The following TPST2 variants were observed in gnomAD, a reference collection of about 807,000 sequenced individuals.
TPST2 encodes protein-tyrosine sulfotransferase 2.
TPST2 carries 16 observed loss-of-function variants against 27.8 expected under a neutral mutation model. The observed-to-expected ratio is 0.58, with a 90% CI of 0.39 to 0.88. TPST2 has a LOEUF of 0.88. Ranked by LOEUF, TPST2 falls within the 40% of genes least tolerant of loss-of-function variation. The pLI is 0.00. For missense variants in TPST2, 464 were observed against 543.1 expected (o/e 0.85, Z 1.45); for synonymous variants, 229 against 231.7 (o/e 0.99, Z 0.10).
intron 1 of TPST2, among the ~76,000 whole-genome samples, chr22:26,553,027 T>C (rs1158730847): frequency 8.2e-6 from 1 of 122,636 alleles, no homozygotes; most frequent in East Asian, 2.6e-4. Context: ...GCCATTGTAC[T>C]CCAGCCTGGG....
chr22:26,527,616 T>C (rs1924912716), intron 6 of TPST2, among the ~76,000 whole-genome samples: 2 of 152,222 alleles, frequency 1.3e-5, no homozygotes, highest in Admixed American at 1.3e-4. Context: ...CTGGGAGGAA[T>C]TCTGTCCCTT....
intron 4 of TPST2, among the ~76,000 whole-genome samples, chr22:26,534,908 T>A (rs1396341849): frequency 6.6e-6 from 1 of 152,190 alleles, no homozygotes; most frequent in Non-Finnish European, 1.5e-5. Flanking sequence ...ACATCTGGGT[T>A]GCAGCCATTC....
chr22:26,587,435 G>A (rs1418489575), intron 1 of TPST2, among the ~76,000 whole-genome samples: 1 of 152,128 alleles, frequency 6.6e-6, no homozygotes, highest in African/African-American at 2.4e-5. Flanking sequence ...CTGCCTCCTG[G>A]GTTCAAGCGA....
chr22:26,524,509 CACACACAT>C lies in TPST2; in HGVS notation c.*1758_*1765del, dbSNP rs71192937. Reference sequence around the variant, plus strand: ...GTGACAGAGCGAGATTCTGTCTAAACACACACATACACACATACACACCATGAAGTTTT... The same window carrying C: ...GTGACAGAGCGAGATTCTGTCTAAACACACACATACACACCATGAAGTTTT... On this transcript the variant is annotated 3_prime_UTR_variant, in exon 7 of 7. Coordinates refer to ENST00000338754, the MANE Select transcript of TPST2 (RefSeq NM_003595.5). The C allele has an allele frequency of 0.29, 44,107 of 151,542 alleles. 7,262 individuals carry two copies. The highest frequency in any genetic ancestry group is 0.45 in the African/African-American group (18,398 of 41,142). 9.4% of individuals were successfully genotyped at this position (151,542 alleles called of 1,614,324 possible).
intron 1 of TPST2, among the ~76,000 whole-genome samples, chr22:26,548,854 G>A (rs1926283587): frequency 6.6e-6 from 1 of 151,860 alleles, no homozygotes; most frequent in African/African-American, 2.4e-5. Flanking sequence ...TGTAGTCCCA[G>A]CTAATTGGGA....
chr22:26,571,654 A>G (rs565015641), intron 1 of TPST2, among the ~76,000 whole-genome samples: 17 of 152,232 alleles, frequency 1.1e-4, no homozygotes, highest in African/African-American at 3.9e-4. Flanking sequence ...GAAATGGCCA[A>G]TTCTCCACTA....
chr22:26,544,706 G>C, intron 1 of TPST2, 31 bp from the exon 2 acceptor site: 2 of 983,986 alleles, frequency 2.0e-6, no homozygotes, highest in South Asian at 4.7e-5. Context: ...TTGCATCAGG[G>C]ATGGGCACTG....
At chr22:26,575,485 G>A (rs542468559) in intron 1 of TPST2, among the ~76,000 whole-genome samples, 24 of 152,228 alleles carry the variant, frequency 1.6e-4, no homozygotes, top group Admixed American at 7.8e-4. Flanking sequence ...TGCATCCTCC[G>A]GAGACAGCGA....
chr22:26,564,392 C>T (rs951132323), intron 1 of TPST2, among the ~76,000 whole-genome samples: 3 of 152,232 alleles, frequency 2.0e-5, no homozygotes, highest in Non-Finnish European at 4.4e-5. Context: ...TGCTATGCCC[C>T]TTCATGTCCA....
chr22:26,538,391 G>A (rs1238584084), intron 3 of TPST2, among the ~76,000 whole-genome samples: 1 of 152,158 alleles, frequency 6.6e-6, no homozygotes, highest in Non-Finnish European at 1.5e-5. Flanking sequence ...GAAATGAGGT[G>A]GACACATCCC....
intron 1 of TPST2, among the ~76,000 whole-genome samples, chr22:26,579,502 G>T (rs1334746149): frequency 2.6e-5 from 4 of 152,210 alleles, no homozygotes; most frequent in African/African-American, 7.2e-5. Context: ...GGGCGGCCTT[G>T]CCAGGTGCCT....
At chr22:26,581,089 A>G (rs1340791741) in intron 1 of TPST2, among the ~76,000 whole-genome samples, 2 of 151,678 alleles carry the variant, frequency 1.3e-5, no homozygotes, top group African/African-American at 4.8e-5. Flanking sequence ...TGTGCCCTGA[A>G]CTCTACCAAA....
chr22:26,544,374 C>T (rs746269570), intron 2 of TPST2, among the ~76,000 whole-genome samples: 1 of 152,162 alleles, frequency 6.6e-6, no homozygotes, highest in Non-Finnish European at 1.5e-5. Context: ...CCTGGAGAAT[C>T]GTCTTCCTAA....
chr22:26,537,834 G>A (rs145832717), intron 3 of TPST2, among the ~76,000 whole-genome samples: 10 of 152,000 alleles, frequency 6.6e-5, no homozygotes, highest in Non-Finnish European at 1.2e-4. Flanking sequence ...ACACACAAAC[G>A]CGCGTCTGCA....
chr22:26,562,260 GAGA>G (rs1222055094), intron 1 of TPST2, among the ~76,000 whole-genome samples: 5 of 152,174 alleles, frequency 3.3e-5, no homozygotes, highest in Non-Finnish European at 5.9e-5. Context: ...GCCCATATGC[GAGA>G]AGGACTTATC....
In TPST2 at chr22:26,579,726, G is replaced by A. The variant is rs138465394; in HGVS notation, c.-161+10327C>T. Reference sequence around the variant, plus strand: ...CCTGTGTGGGCTTGGGGTCGGCAGCGGGAAGGAAGGGGGAAGTGGTGCAGA... The same window carrying A: ...CCTGTGTGGGCTTGGGGTCGGCAGCAGGAAGGAAGGGGGAAGTGGTGCAGA... On this transcript the variant is annotated intron_variant, in intron 1 of 6. Coordinates refer to ENST00000338754, the MANE Select transcript of TPST2 (RefSeq NM_003595.5). Among the ~76,000 whole-genome samples, 784 of 152,228 alleles carry A rather than the reference G, an allele frequency of 5.2e-3. 7 individuals are homozygous for A. Among genetic ancestry groups the A allele is most frequent in the African/African-American group, 0.018 (764 of 41,536 alleles).
intron 1 of TPST2, among the ~76,000 whole-genome samples, chr22:26,568,661 C>T (rs1470079788): frequency 1.3e-5 from 2 of 152,086 alleles, no homozygotes; most frequent in Non-Finnish European, 2.9e-5. Context: ...CCAGAAGTTA[C>T]CCTATATGGT....
chr22:26,560,444 G>A (rs868590662), intron 1 of TPST2: 3 of 698,366 alleles, frequency 4.3e-6, no homozygotes, highest in African/African-American at 3.6e-5. Flanking sequence ...AGTACACTGA[G>A]CTCCACAGAG....
intron 5 of TPST2, among the ~76,000 whole-genome samples, chr22:26,530,638 A>C (rs1013714792): frequency 6.6e-6 from 1 of 150,384 alleles, no homozygotes. Context: ...TCTCAAAAAA[A>C]AAAAGGAATC....
Sources: allele counts gnomAD v4.1 joint callset (sites outside exome capture counted in the v4.1 genomes callset), GRCh38; gene constraint gnomAD v4.1.1; transcripts MANE v1.5; gene names NCBI Gene and HGNC (gene_info 2026-07-23, HGNC 2026-07-21).